RELL1: variants seen among roughly 807,000 people sequenced by gnomAD.
RELL1 encodes RELT like 1.
Under a neutral mutation model 23.0 loss-of-function variants are expected in RELL1, and 10 were observed. The observed-to-expected ratio is 0.43, with a 90% CI of 0.27 to 0.74. The LOEUF is 0.74. Among genes scored for constraint, RELL1 ranks in the 30% least tolerant of loss-of-function variants. The pLI is 0.19. For synonymous variants in RELL1, 146 were observed against 146.8 expected (o/e 0.99, Z 0.04); for missense variants, 315 against 364.4 (o/e 0.86, Z 1.10).
At chr4:37,605,407 A>G (rs971750833) in intron 6 of RELL1, among the ~76,000 whole-genome samples, 2 of 152,140 alleles carry the variant, frequency 1.3e-5, no homozygotes, top group African/African-American at 4.8e-5. Flanking sequence ...GGGGCAAGGA[A>G]AATACAAGAC....
chr4:37,611,182 T>C lies in RELL1; in HGVS notation c.*2164A>G, dbSNP rs1719363989. 1.3e-5 allele frequency among the ~76,000 whole-genome samples: 2 copies of C among 152,158 alleles called. No individual in the cohort carries two copies. The highest frequency in any genetic ancestry group is 2.4e-5 in the African/African-American group (1 of 41,428). On this transcript the variant is annotated 3_prime_UTR_variant, in exon 7 of 7. Transcript: ENST00000454158. ...ATATCTTACATTTTATCCCCCACCA[T>C]TTTGAGGGCATATTTTTAAAGCAAA...
rs771576367 is a variant in RELL1 at position 37,622,798 on chromosome 4, G to GTTTTTT, written c.*3+8586_*3+8587insAAAAAA. The GTTTTTT allele has an allele frequency of 1.9e-4, 81 of 418,280 alleles. 3 individuals are homozygous for GTTTTTT. Among genetic ancestry groups the GTTTTTT allele is most frequent in the Admixed American group, 3.1e-4 (12 of 38,228 alleles). The allele number at this position is 418,280 out of a possible 1,614,324, so 25.9% of individuals were successfully genotyped here. A position where few individuals can be genotyped will look rare whatever the true frequency, so the allele number is the denominator to read the frequency against. ...GGCACATAGTAGGGTCTCAAGTAAT[G>GTTTTTT]CTTTTTTTTTTTTTTTTTTTTCTGA... is the stretch of plus-strand genomic sequence containing the variant. On this transcript the variant is annotated intron_variant, in intron 6 of 6. Coordinates refer to ENST00000454158, the MANE Select transcript of RELL1 (RefSeq NM_001085400.2).
At chr4:37,597,083 C>T (rs13142495) in intron 6 of RELL1, among the ~76,000 whole-genome samples, 47,482 of 151,584 alleles carry the variant, frequency 0.31, 9,468 homozygotes, top group Non-Finnish European at 0.44. Flanking sequence ...AGAGCATACA[C>T]ATGAGTGTGG....
At position 37,673,186 on chromosome 4, in the gene RELL1, C is replaced by CTTTCTT. The variant is rs1721897121; in HGVS notation, c.88+13013_88+13014insAAGAAA. Reference sequence around the variant, plus strand: ...CATCAAGACTATATACTTTTTTTTTCTTTTTTTTTTTTTTTTTTTTTGAGA... The same window carrying CTTTCTT: ...CATCAAGACTATATACTTTTTTTTTCTTTCTTTTTTTTTTTTTTTTTTTTTTTGAGA... On this transcript the variant is annotated intron_variant, in intron 1 of 6. Transcript: ENST00000454158. 5.4e-5 allele frequency among the ~76,000 whole-genome samples: 5 copies of CTTTCTT among 93,190 alleles called. 1 individual carries two copies. The highest frequency in any genetic ancestry group is 7.6e-5 in the Non-Finnish European group (4 of 52,802). The allele number at this position is 93,190 out of a possible 152,430, so 61.1% of individuals were successfully genotyped here.
intron 1 of RELL1, among the ~76,000 whole-genome samples, chr4:37,684,781 C>A (rs1722342489): frequency 6.6e-6 from 1 of 152,070 alleles, no homozygotes; most frequent in Non-Finnish European, 1.5e-5. Flanking sequence ...GGCAAAACCC[C>A]ATCTCTACTA....
chr4:37,629,081 G>C (rs1168921350), intron 6 of RELL1, among the ~76,000 whole-genome samples: 1 of 152,194 alleles, frequency 6.6e-6, no homozygotes, highest in Non-Finnish European at 1.5e-5. Context: ...TCAGAGGTGA[G>C]TCTGACAAGA....
chr4:37,606,143 G>GGAGA (rs1376038028), downstream of RELL1, among the ~76,000 whole-genome samples: 6 of 143,520 alleles, frequency 4.2e-5, no homozygotes, highest in African/African-American at 1.6e-4. The surrounding 1 kb of genome is among the most constrained non-coding windows in gnomAD (Gnocchi z 4.1). Context: ...AGGAAGGAAG[G>GGAGA]GAGAGAGAGA....
chr4:37,661,629 G>A (rs919134699), intron 1 of RELL1, among the ~76,000 whole-genome samples: 5 of 152,116 alleles, frequency 3.3e-5, no homozygotes, highest in Admixed American at 1.3e-4. Flanking sequence ...AATAATAAAA[G>A]AAGAGAAACC....
chr4:37,676,873 C>G (rs562892967), intron 1 of RELL1, among the ~76,000 whole-genome samples: 51 of 152,128 alleles, frequency 3.4e-4, no homozygotes, highest in Non-Finnish European at 6.8e-4. Flanking sequence ...AATATTTACT[C>G]TATTCCGGGC....
intron 3 of RELL1, among the ~76,000 whole-genome samples, chr4:37,643,782 T>C (rs558910746): frequency 6.6e-6 from 1 of 152,308 alleles, no homozygotes; most frequent in East Asian, 1.9e-4. Context: ...TCAAACATGC[T>C]AGGTTATAAA....
At chr4:37,665,316 T>C (rs1225829059) in intron 1 of RELL1, 2 of 456,274 alleles carry the variant, frequency 4.4e-6, no homozygotes, top group Non-Finnish European at 8.8e-6. Flanking sequence ...AAGTCCTTTC[T>C]GAAGGATGTA....
intron 6 of RELL1, among the ~76,000 whole-genome samples, chr4:37,621,667 C>A (rs1363613832): frequency 6.6e-6 from 1 of 152,076 alleles, no homozygotes; most frequent in Non-Finnish European, 1.5e-5. Flanking sequence ...GTGAAAAGAG[C>A]AGATGTCAAA....
At chr4:37,669,104 G>A (rs1721670998) in intron 1 of RELL1, among the ~76,000 whole-genome samples, 1 of 124,900 alleles carries the variant, frequency 8.0e-6, no homozygotes. Context: ...GGAGGTGAGG[G>A]GCGCCTCTGC....
chr4:37,635,104 G>A lies in RELL1; in HGVS notation c.463C>T (p.Pro155Ser), dbSNP rs1190371856. The A allele has an allele frequency of 1.2e-6, 2 of 1,614,004 alleles. No individual in the cohort carries two copies. The highest frequency in any genetic ancestry group is 1.7e-6 in the Non-Finnish European group (2 of 1,180,024). Residue 155 changes from proline (P) to serine (S), a missense_variant, in exon 5 of 7, where the codon CCA (proline) becomes TCA (serine). Coordinates refer to ENST00000454158, the MANE Select transcript of RELL1 (RefSeq NM_001085400.2). ...CCAGGACTCACTGGCGGGCTCCCTGGTGTGCTGGGGGTCACGGGGCTAATG... is the reference window on the plus strand; with the variant it reads ...CCAGGACTCACTGGCGGGCTCCCTGATGTGCTGGGGGTCACGGGGCTAATG... ...DPESPVTPST[P>S]GSPPVSPGPL...
At chr4:37,639,955 G>A (rs1421988582) in intron 3 of RELL1, among the ~76,000 whole-genome samples, 1 of 152,112 alleles carries the variant, frequency 6.6e-6, no homozygotes, top group Non-Finnish European at 1.5e-5. Context: ...CCACCCAAGA[G>A]CCTTGTTCAA....
At chr4:37,614,908 C>A (rs1028861534) in intron 6 of RELL1, among the ~76,000 whole-genome samples, 4 of 152,138 alleles carry the variant, frequency 2.6e-5, no homozygotes, top group Non-Finnish European at 5.9e-5. Context: ...TAGAAACACT[C>A]CTCATTTTGA....
intron 4 of RELL1, among the ~76,000 whole-genome samples, chr4:37,637,345 G>A (rs111775173): frequency 2.2e-4 from 33 of 152,360 alleles, no homozygotes; most frequent in African/African-American, 7.7e-4. Context: ...TGTGCTGAGT[G>A]CACAACCCAC....
chr4:37,652,387 C>G (rs1720978704), intron 1 of RELL1, among the ~76,000 whole-genome samples: 2 of 152,192 alleles, frequency 1.3e-5, no homozygotes, highest in Non-Finnish European at 2.9e-5. Context: ...AATATACCGT[C>G]TAAGTTAGGG....
chr4:37,686,309 T>C lies in RELL1; in HGVS notation c.-22A>G. ...CCATCGCCGCGTCGCTTCGCCCTCC[T>C]CCCCCAGGGCGCCGCGTCCCGCGCT... On this transcript the variant is annotated 5_prime_UTR_variant, in exon 1 of 7. Transcript: ENST00000454158. 6.8e-7 allele frequency: 1 copy of C among 1,476,456 alleles called. No individual in the cohort carries two copies. The highest frequency in any genetic ancestry group is 9.0e-7 in the Non-Finnish European group (1 of 1,116,626). 91.5% of individuals were successfully genotyped at this position (1,476,456 alleles called of 1,614,324 possible).
Sources: gnomAD v4.1 joint callset for allele counts (sites outside exome capture counted in the v4.1 genomes callset) on GRCh38, gnomAD v4.1.1 for gene constraint, Gnocchi (gnomAD v3.1) non-coding constraint, MANE v1.5 for transcripts, NCBI Gene and HGNC (gene_info 2026-07-23, HGNC 2026-07-21) for gene names.